SFMBT2: variants seen among roughly 807,000 people sequenced by gnomAD.
SFMBT2 encodes scm-like with four MBT domains protein 2.
A neutral mutation model predicts 110.1 loss-of-function variants in SFMBT2; 38 were observed. The observed-to-expected ratio is 0.35, with a 90% CI of 0.27 to 0.45. SFMBT2 has a LOEUF of 0.45. SFMBT2 is among the 20% of genes least tolerant of loss of function. The pLI is 1.00. For synonymous variants in SFMBT2, 425 were observed against 425.4 expected (o/e 1.00, Z 0.01); for missense variants, 1,011 against 1,094.9 (o/e 0.92, Z 1.08).
intron 4 of SFMBT2, among the ~76,000 whole-genome samples, chr10:7,335,400 G>A (rs1220002229): frequency 6.6e-6 from 1 of 152,064 alleles, no homozygotes; most frequent in African/African-American, 2.4e-5. Context: ...TGCAGACGCA[G>A]CTCACCGGTA....
Position 7,206,032 on chromosome 10 carries a change from C to T in SFMBT2, c.1331-104G>A, listed in dbSNP as rs986798443. On this transcript the variant is annotated intron_variant, in intron 11 of 20. Transcript: ENST00000397167. ...ATCCCTAACATGGGGAAAAACATTC[C>T]TTTATACATTAAAAAACAAAAACAA... 3.8e-5 allele frequency: 56 copies of T among 1,461,864 alleles called. No individual in the cohort carries two copies. The South Asian group carries it at 7.0e-4, about 18-fold the overall frequency. 90.6% of individuals were successfully genotyped at this position (1,461,864 alleles called of 1,614,324 possible). A position where few individuals can be genotyped will look rare whatever the true frequency, so the allele number is the denominator to read the frequency against.
In SFMBT2 at chr10:7,160,609, G is replaced by GC; in HGVS notation, c.*3160_*3161insG. 6.6e-6 allele frequency: 1 copy of GC among 152,292 alleles called. No homozygotes were observed. The highest frequency in any genetic ancestry group is 1.5e-5 in the Non-Finnish European group (1 of 68,050). 9.4% of individuals were successfully genotyped at this position (152,292 alleles called of 1,614,324 possible). A position where few individuals can be genotyped will look rare whatever the true frequency, so the allele number is the denominator to read the frequency against. On this transcript the variant is annotated 3_prime_UTR_variant, in exon 21 of 21. Coordinates refer to ENST00000397167, the MANE Select transcript of SFMBT2 (RefSeq NM_001387889.1). ...AAGGAATGCGGGGCATCACTTTTTG[G>GC]TGTTTAGACCATGACATTGTTGGCC...
Position 7,162,617 on chromosome 10 carries a change from G to A in SFMBT2, c.*1153C>T, listed in dbSNP as rs1464285188. ...GGGGGACGTAGCTGGTTGATGAAAT[G>A]CTTCCCTCACATCTCTTTCCCTTCC... is the stretch of plus-strand genomic sequence containing the variant. On this transcript the variant is annotated 3_prime_UTR_variant, in exon 21 of 21. Coordinates refer to ENST00000397167, the MANE Select transcript of SFMBT2 (RefSeq NM_001387889.1). 1 of 152,222 alleles carries A rather than the reference G, an allele frequency of 6.6e-6. No individual in the cohort carries two copies. Among genetic ancestry groups the A allele is most frequent in the East Asian group, 1.9e-4 (1 of 5,182 alleles). The allele number at this position is 152,222 out of a possible 1,614,324, so 9.4% of individuals were successfully genotyped here. A position where few individuals can be genotyped will look rare whatever the true frequency, so the allele number is the denominator to read the frequency against.
chr10:7,405,503 T>C (rs1031633294), intron 1 of SFMBT2, among the ~76,000 whole-genome samples: 2 of 152,198 alleles, frequency 1.3e-5, no homozygotes, highest in East Asian at 3.8e-4. Context: ...AATAGCACTT[T>C]ACTCTGCAGC....
At chr10:7,255,754 C>A (rs998474735) in intron 7 of SFMBT2, among the ~76,000 whole-genome samples, 3 of 152,194 alleles carry the variant, frequency 2.0e-5, no homozygotes, top group African/African-American at 7.2e-5. Flanking sequence ...CACTCTCCTA[C>A]TAAGATGTAG....
At chr10:7,228,404 G>A (rs568631297) in intron 9 of SFMBT2, 1 of 815,450 alleles carries the variant, frequency 1.2e-6, no homozygotes, top group East Asian at 1.2e-4. Context: ...AACAGTACCA[G>A]GGACGACTTT....
At chr10:7,387,357 A>C (rs1845636486) in intron 1 of SFMBT2, among the ~76,000 whole-genome samples, 1 of 152,218 alleles carries the variant, frequency 6.6e-6, no homozygotes, top group African/African-American at 2.4e-5. Flanking sequence ...CATCTGATTT[A>C]TTTATGCCAG....
rs1390203329 is a variant in SFMBT2 at position 7,171,734 on chromosome 10, G to A, written c.2415+161C>T. Among the ~76,000 whole-genome samples, 1 of 152,218 alleles carries A rather than the reference G, an allele frequency of 6.6e-6. No individual in the cohort carries two copies. The highest frequency in any genetic ancestry group is 1.5e-5 in the Non-Finnish European group (1 of 68,036). ...TGCCGAAAGGCCCCTCCACCCAGAG[G>A]TGAAGTGCCAGCCTTTGTTCCTGAC... is the stretch of plus-strand genomic sequence containing the variant. On this transcript the variant is annotated intron_variant, in intron 19 of 20. Transcript: ENST00000397167. This position sits in a 1 kb window ranked among gnomAD's most constrained non-coding sequence, Gnocchi z 4.9.
At chr10:7,387,831 C>T (rs375205776) in intron 1 of SFMBT2, among the ~76,000 whole-genome samples, 1 of 151,358 alleles carries the variant, frequency 6.6e-6, no homozygotes, top group East Asian at 1.9e-4. Flanking sequence ...ACCTGTAATC[C>T]CAGCTACTCA....
intron 4 of SFMBT2, among the ~76,000 whole-genome samples, chr10:7,323,581 T>A (rs1365082845): frequency 2.0e-5 from 3 of 151,706 alleles, no homozygotes; most frequent in Non-Finnish European, 2.9e-5. Flanking sequence ...TCAACTATAG[T>A]GGTTTTTTCA....
intron 17 of SFMBT2, among the ~76,000 whole-genome samples, chr10:7,173,725 C>T (rs569286073): frequency 3.3e-5 from 5 of 152,272 alleles, no homozygotes; most frequent in Admixed American, 6.5e-5. Flanking sequence ...AAGGTTCAAC[C>T]GTCCCACTAT....
At chr10:7,308,729 C>T (rs1842763458) in intron 4 of SFMBT2, among the ~76,000 whole-genome samples, 2 of 152,160 alleles carry the variant, frequency 1.3e-5, no homozygotes, top group East Asian at 3.9e-4. Context: ...CATTAACGTG[C>T]TGGGGAAGCT....
chr10:7,243,304 G>C (rs940597523), intron 9 of SFMBT2, among the ~76,000 whole-genome samples: 7 of 152,202 alleles, frequency 4.6e-5, no homozygotes, highest in African/African-American at 1.7e-4. Context: ...CACAATAGCA[G>C]CACATCTGCC....
rs139808843 is a variant in SFMBT2 at position 7,352,903 on chromosome 10, C to T, written c.436+14746G>A. ...GTGGGCACCTGTAGTTCCAGCTACTCGGGAGGTGAGGCAGGAGAATGGTGT... is the reference window on the plus strand; with the variant it reads ...GTGGGCACCTGTAGTTCCAGCTACTTGGGAGGTGAGGCAGGAGAATGGTGT... On this transcript the variant is annotated intron_variant, in intron 4 of 20. Coordinates refer to ENST00000397167, the MANE Select transcript of SFMBT2 (RefSeq NM_001387889.1). 7.2e-5 allele frequency among the ~76,000 whole-genome samples: 11 copies of T among 151,994 alleles called. No homozygotes were observed. The East Asian group carries it at 2.1e-3, about 29-fold the overall frequency.
At chr10:7,312,535 C>T (rs1450614517) in intron 4 of SFMBT2, among the ~76,000 whole-genome samples, 2 of 152,128 alleles carry the variant, frequency 1.3e-5, no homozygotes, top group Non-Finnish European at 2.9e-5. Flanking sequence ...GCCTTAGAAC[C>T]CACATCCTGG....
intron 4 of SFMBT2, among the ~76,000 whole-genome samples, chr10:7,290,904 A>G (rs1842244250): frequency 1.3e-5 from 2 of 152,248 alleles, no homozygotes; most frequent in Admixed American, 6.5e-5. Context: ...GATTAGCATC[A>G]CTTTTTCAGA....
At chr10:7,249,167 C>A (rs2131734161) in intron 7 of SFMBT2, 1 of 532,382 alleles carries the variant, frequency 1.9e-6, no homozygotes, top group African/African-American at 2.0e-5. Flanking sequence ...TACTCAAGAT[C>A]CCATGATCTT....
At position 7,200,315 on chromosome 10, in the gene SFMBT2, C is replaced by T. The variant is rs374949281; in HGVS notation, c.1558+99G>A. On this transcript the variant is annotated intron_variant, in intron 14 of 20. Transcript: ENST00000397167. Reference sequence around the variant, plus strand: ...ATGGAGAAAAACAGAATAGGCTCAACGTTGAGATGTATTCATATCGACCTA... The same window carrying T: ...ATGGAGAAAAACAGAATAGGCTCAATGTTGAGATGTATTCATATCGACCTA... The T allele has an allele frequency of 1.2e-4, 112 of 918,504 alleles. No homozygotes were observed. The African/African-American group carries it at 1.4e-3, about 12-fold the overall frequency. The allele number at this position is 918,504 out of a possible 1,614,324, so 56.9% of individuals were successfully genotyped here.
rs113694108 is a variant in SFMBT2, at chr10:7,330,170, T to C, written c.436+37479A>G. Among the ~76,000 whole-genome samples, 51 of 152,276 alleles carry C rather than the reference T, an allele frequency of 3.3e-4. 2 individuals carry two copies. Among genetic ancestry groups the C allele is most frequent in the African/African-American group, 1.2e-3 (49 of 41,538 alleles). ...ATCTCTTTATTATCCCCCTTACAAC[T>C]GTGTAGCAGGCTATTTCTCAAGATT... On this transcript the variant is annotated intron_variant, in intron 4 of 20. Transcript: ENST00000397167.
Sources: allele counts gnomAD v4.1 joint callset (sites outside exome capture counted in the v4.1 genomes callset), GRCh38; gene constraint gnomAD v4.1.1; non-coding constraint Gnocchi (gnomAD v3.1); transcripts MANE v1.5; gene names NCBI Gene and HGNC (gene_info 2026-07-23, HGNC 2026-07-21).